POTEJ: variants seen among roughly 807,000 people sequenced by gnomAD.
POTEJ encodes POTE ankyrin domain family, member J.
In POTEJ, 11 loss-of-function variants were observed where a neutral mutation model predicts 69.0. The ratio of observed to expected loss-of-function variants is 0.16; its 90% CI spans 0.10 to 0.26. POTEJ has a LOEUF of 0.26. POTEJ is among the 10% of genes least tolerant of loss of function. The pLI, the probability that POTEJ is intolerant of heterozygous loss-of-function variation, is 1.00. For synonymous variants in POTEJ, 117 were observed against 381.1 expected (o/e 0.31, Z 8.07); for missense variants, 327 against 1,045.5 (o/e 0.31, Z 9.48).
chr2:130,611,667 T>C lies in POTEJ; in HGVS notation c.135T>C (p.Thr45=). 7.7e-7 allele frequency: 1 copy of C among 1,304,528 alleles called. No individual in the cohort carries two copies. The highest frequency in any genetic ancestry group is 2.1e-5 in the Admixed American group (1 of 47,888). 80.8% of individuals were successfully genotyped at this position (1,304,528 alleles called of 1,614,324 possible). A position where few individuals can be genotyped will look rare whatever the true frequency, so the allele number is the denominator to read the frequency against. The change falls in exon 1 of 15, where the codon ACT becomes ACC. Residue 45 remains threonine, a synonymous_variant. Coordinates refer to ENST00000409602, the MANE Select transcript of POTEJ (RefSeq NM_001277083.2). ...GGAGCGGCAAGAGCAACGTGGGCAC[T>C]TCTGGAGACCAGGACGACTCCACTA... ...CRGSGKSNVG[T]SGDQDDSTMK... is the part of the protein sequence containing the mutation.
At chr2:130,650,273 C>G in intron 13 of POTEJ, among the ~76,000 whole-genome samples, 1 of 152,398 alleles carries the variant, frequency 6.6e-6, no homozygotes, top group East Asian at 1.9e-4. Context: ...TCTTTCTCAG[C>G]AGGGACTTTT....
chr2:130,640,808 G>A (rs1197821612), intron 10 of POTEJ, among the ~76,000 whole-genome samples: 3 of 152,202 alleles, frequency 2.0e-5, no homozygotes, highest in African/African-American at 7.2e-5. Context: ...GCTGAGGAGG[G>A]GGATTGGGAT....
intron 1 of POTEJ, among the ~76,000 whole-genome samples, chr2:130,615,699 C>A (rs183431212): frequency 8.5e-4 from 126 of 148,504 alleles, no homozygotes; most frequent in African/African-American, 3.1e-3. Context: ...TACAACCAAC[C>A]CCCTTGGTGC....
At chr2:130,618,597 C>T (rs1446039330) in intron 3 of POTEJ, among the ~76,000 whole-genome samples, 11 of 147,062 alleles carry the variant, frequency 7.5e-5, no homozygotes, top group South Asian at 2.1e-4. Flanking sequence ...ACAACAACAA[C>T]GACGACGACA....
intron 5 of POTEJ, 132 bp from the exon 6 acceptor site, chr2:130,623,932 A>T: frequency 1.9e-6 from 1 of 515,684 alleles, no homozygotes; most frequent in South Asian, 2.2e-5. Flanking sequence ...TGTACTCATA[A>T]GTGGATGGGA....
intron 9 of POTEJ, among the ~76,000 whole-genome samples, chr2:130,636,273 C>T (rs867890721): frequency 3.3e-5 from 5 of 152,334 alleles, no homozygotes; most frequent in South Asian, 4.1e-4. Context: ...GAGGAAGAAC[C>T]GTGTACTACC....
chr2:130,647,385 C>G (rs1686619956), intron 13 of POTEJ, among the ~76,000 whole-genome samples: 2 of 150,916 alleles, frequency 1.3e-5, no homozygotes, highest in Non-Finnish European at 2.9e-5. Flanking sequence ...TGAATATTGC[C>G]AAGGGATTGT....
chr2:130,656,596 T>C lies in POTEJ; in HGVS notation c.1836T>C (p.Ser612=), dbSNP rs532851434. 5.5e-4 allele frequency: 886 copies of C among 1,609,612 alleles called. 62 individuals are homozygous for C. In the African/African-American group the frequency reaches 0.012, roughly 21 times the overall value. ...AAAGAGACTTCTTGCATGAAAATAG[T>C]ATGTTGCGGGAAGAAATTGCCATGC... ...KKERDFLHEN[S]MLREEIAMLR... Residue 612 remains serine (S), a synonymous_variant, in exon 15 of 15, where the codon AGT becomes AGC. Coordinates refer to ENST00000409602, the MANE Select transcript of POTEJ (RefSeq NM_001277083.2).
At chr2:130,612,110 A>T (rs1411742565) in intron 1 of POTEJ, among the ~76,000 whole-genome samples, 168 bp downstream of exon 1, 1 of 152,028 alleles carries the variant, frequency 6.6e-6, no homozygotes, top group Non-Finnish European at 1.5e-5. Context: ...ATGAACAGCA[A>T]CACACACAAA....
At chr2:130,640,686 G>A (rs540943492) in intron 10 of POTEJ, among the ~76,000 whole-genome samples, 504 of 151,988 alleles carry the variant, frequency 3.3e-3, no homozygotes, top group African/African-American at 8.8e-3. Context: ...AAGCATGCAA[G>A]GGGCTTCCTG....
intron 3 of POTEJ, among the ~76,000 whole-genome samples, chr2:130,618,705 G>A (rs1452901768): frequency 1.7e-4 from 22 of 126,394 alleles, no homozygotes; most frequent in East Asian, 1.2e-3. Context: ...GAAACTTAAG[G>A]TATCTCTAGA....
At position 130,657,275 on chromosome 2, in the gene POTEJ, C is replaced by A. The variant is rs1287214897; in HGVS notation, c.2515C>A (p.Leu839Met). 1 of 1,579,448 alleles carries A rather than the reference C, an allele frequency of 6.3e-7. No individual in the cohort carries two copies. The highest frequency in any genetic ancestry group is 2.2e-5 in the East Asian group (1 of 44,774). Residue 839 changes from leucine (L) to methionine (M), a missense_variant, in exon 15 of 15, where the codon CTG (leucine) becomes ATG (methionine). Transcript: ENST00000409602. The part of the protein sequence containing the change: ...YDGNALPHAT[L>M]RLDLAGRELT... ...TGGGAATGCCCTCCCCCATGCCACC[C>A]TGCGCCTAGACCTGGCTGGGCGGGA... is the stretch of plus-strand genomic sequence containing the variant.
Position 130,633,730 on chromosome 2 carries a change from C to G in POTEJ, c.1298+1074C>G, listed in dbSNP as rs1243110107. The stretch of plus-strand genomic sequence containing the variant: ...GTGCCTGAGTGCTGAAATATTGGAC[C>G]CTCAATCTGAATATTGCCAAGGGAT... On this transcript the variant is annotated intron_variant, in intron 9 of 14. Coordinates refer to ENST00000409602, the MANE Select transcript of POTEJ (RefSeq NM_001277083.2). Among the ~76,000 whole-genome samples, 8 of 142,750 alleles carry G rather than the reference C, an allele frequency of 5.6e-5. 1 individual carries two copies. Among genetic ancestry groups the G allele is most frequent in the Admixed American group, 1.4e-4 (2 of 14,352 alleles). The allele number at this position is 142,750 out of a possible 152,430, so 93.6% of individuals were successfully genotyped here.
intron 13 of POTEJ, 51 bp from the exon 14 acceptor site, chr2:130,654,870 A>T: frequency 1.6e-6 from 1 of 618,940 alleles, no homozygotes; most frequent in Admixed American, 3.5e-5. Flanking sequence ...TGCCCTGTAC[A>T]TCATTTTAGG....
At chr2:130,636,986 G>A (rs1201094820) in intron 9 of POTEJ, among the ~76,000 whole-genome samples, 1 of 146,786 alleles carries the variant, frequency 6.8e-6, no homozygotes, top group Non-Finnish European at 1.5e-5. Context: ...GGCTGAGGCA[G>A]GAGAATGGCA....
rs983407224 is a variant in POTEJ at position 130,645,593 on chromosome 2, C to G, written c.1441-144C>G. 37 of 432,946 alleles carry G rather than the reference C, an allele frequency of 8.5e-5. 1 individual carries two copies. Among genetic ancestry groups the G allele is most frequent in the Middle Eastern group, 8.8e-4 (1 of 1,132 alleles). 26.8% of individuals were successfully genotyped at this position (432,946 alleles called of 1,614,324 possible). A position where few individuals can be genotyped will look rare whatever the true frequency, so the allele number is the denominator to read the frequency against. On this transcript the variant is annotated intron_variant, in intron 11 of 14. Coordinates refer to ENST00000409602, the MANE Select transcript of POTEJ (RefSeq NM_001277083.2). Reference sequence around the variant, plus strand: ...TTTAATTATTATTTATTTATTTTAACAGTTTAATTTTAATTACTTTCTAAT... The same window carrying G: ...TTTAATTATTATTTATTTATTTTAAGAGTTTAATTTTAATTACTTTCTAAT...
Position 130,651,771 on chromosome 2 carries a change from T to A in POTEJ, c.1668-3150T>A, listed in dbSNP as rs1168164289. On this transcript the variant is annotated intron_variant, in intron 13 of 14. Coordinates refer to ENST00000409602, the MANE Select transcript of POTEJ (RefSeq NM_001277083.2). ...CACTTTTTTCTCTGTACAATACTAGTGATATTGTTATGCATTTTTATCTCA... is the reference window on the plus strand; with the variant it reads ...CACTTTTTTCTCTGTACAATACTAGAGATATTGTTATGCATTTTTATCTCA... Among the ~76,000 whole-genome samples, 3 of 144,282 alleles carry A rather than the reference T, an allele frequency of 2.1e-5. 1 individual carries two copies. Among genetic ancestry groups the A allele is most frequent in the African/African-American group, 7.9e-5 (3 of 37,944 alleles). 94.7% of individuals were successfully genotyped at this position (144,282 alleles called of 152,430 possible).
chr2:130,647,090 G>A (rs528649637), intron 13 of POTEJ, among the ~76,000 whole-genome samples: 1 of 150,628 alleles, frequency 6.6e-6, no homozygotes, highest in Non-Finnish European at 1.5e-5. Flanking sequence ...CTTATCAATA[G>A]GAAATAGCTC....
rs921597196 is a variant in POTEJ at position 130,645,867 on chromosome 2, G to T, written c.1485+86G>T. 3 of 242,302 alleles carry T rather than the reference G, an allele frequency of 1.2e-5. 1 individual carries two copies. The highest frequency in any genetic ancestry group is 1.6e-5 in the Non-Finnish European group (2 of 124,308). The allele number at this position is 242,302 out of a possible 1,614,324, so 15.0% of individuals were successfully genotyped here. On this transcript the variant is annotated intron_variant, in intron 12 of 14. Transcript: ENST00000409602. ...AAGTGTAGTAAATGTAGGCATACAT[G>T]ATCCTATCATGTAAGTAGCATAAAT...
Sources: gnomAD v4.1 joint callset for allele counts (sites outside exome capture counted in the v4.1 genomes callset) on GRCh38, gnomAD v4.1.1 for gene constraint, MANE v1.5 for transcripts, NCBI Gene and HGNC (gene_info 2026-07-23, HGNC 2026-07-21) for gene names.